The following PRB3 variants were observed in gnomAD, a reference collection of about 807,000 sequenced individuals.
PRB3 encodes the protein proline rich protein BstNI subfamily 3, also known as basic salivary proline-rich protein 3.
In PRB3, 9 loss-of-function variants were observed where a neutral mutation model predicts 10.0. The ratio of observed to expected loss-of-function variants is 0.90; its 90% confidence interval spans 0.54 to 1.57. The LOEUF (loss-of-function observed/expected upper bound fraction) is 1.57. Ranked by LOEUF, PRB3 falls within the 40% of genes most tolerant of loss-of-function variation. The pLI is 0.00. For missense variants in PRB3, 285 were observed against 385.5 expected (o/e 0.74, Z 2.18); for synonymous variants, 89 against 138.6 (o/e 0.64, Z 2.52).
At position 11,269,697 on chromosome 12, in the gene PRB3, A is replaced by T. The variant is rs1366205119; in HGVS notation, c.-28T>A. The T allele has an allele frequency of 6.2e-7, 1 of 1,613,500 alleles. No individual in the cohort carries two copies. The highest frequency in any genetic ancestry group is 1.7e-5 in the Admixed American group (1 of 60,014). On this transcript the variant is annotated 5_prime_UTR_variant, in exon 1 of 4. Coordinates refer to ENST00000538488, the MANE Select transcript of PRB3 (RefSeq NM_001394862.1). ...TGCTGGAGGCTCTGGAGTCACTCCCAACTCTGTGCTGGGAGAACCATGGCA... is the reference window on the plus strand; with the variant it reads ...TGCTGGAGGCTCTGGAGTCACTCCCTACTCTGTGCTGGGAGAACCATGGCA...
intron 3 of PRB3, among the ~76,000 whole-genome samples, chr12:11,266,639 G>T (rs2136563615): frequency 6.6e-6 from 1 of 152,302 alleles, no homozygotes; most frequent in African/African-American, 2.4e-5. Context: ...GCTTTTTGAA[G>T]GAAGGAAGGT....
rs375889167 is a variant in PRB3, at chr12:11,267,369, G to C, written c.880C>G (p.Gln294Glu). 2.9e-5 allele frequency: 47 copies of C among 1,610,856 alleles called. No individual in the cohort carries two copies. The highest frequency in any genetic ancestry group is 3.8e-5 in the Non-Finnish European group (45 of 1,179,248). ...GGACGTTGAGGTTTGTTACCTTCTT[G>C]TGGGGGTGGTCCTTGTGGCTTTCCT... ...HPGKPQGPPP[Q>E]EGNKPQRPPP... is the part of the protein sequence containing the mutation. The change falls in exon 3 of 4, where the codon CAA becomes GAA. Residue 294 changes from glutamine to glutamate, a missense_variant. Coordinates refer to ENST00000538488, the MANE Select transcript of PRB3 (RefSeq NM_001394862.1).
Position 11,267,394 on chromosome 12 carries a change from T to A in PRB3, c.855A>T (p.Pro285=), listed in dbSNP as rs1448838682. ...GNKPQGPPPH[P]GKPQGPPPQE... ...GTGGGGGTGGTCCTTGTGGCTTTCC[T>A]GGATGAGGTGGGGGACCTTGAGGTT... Residue 285 remains proline, a synonymous_variant, in exon 3 of 4, where the codon CCA becomes CCT. Transcript: ENST00000538488. 3 of 1,531,354 alleles carry A rather than the reference T, an allele frequency of 2.0e-6. No homozygotes were observed. Among genetic ancestry groups the A allele is most frequent in the Non-Finnish European group, 2.6e-6 (3 of 1,139,802 alleles). 94.9% of individuals were successfully genotyped at this position (1,531,354 alleles called of 1,614,324 possible). A position where few individuals can be genotyped will look rare whatever the true frequency, so the allele number is the denominator to read the frequency against.
At chr12:11,266,310 A>G (rs1282612181) in intron 3 of PRB3, among the ~76,000 whole-genome samples, 1 of 152,218 alleles carries the variant, frequency 6.6e-6, no homozygotes, top group Non-Finnish European at 1.5e-5. Flanking sequence ...ATATTTACAC[A>G]TATGATAATC....
At chr12:11,269,573 G>T in intron 1 of PRB3, 33 bp downstream of exon 1, 9 of 1,611,872 alleles carry the variant, frequency 5.6e-6, no homozygotes, top group Non-Finnish European at 7.6e-6. Flanking sequence ...GCCCCAAGCA[G>T]AGTCACCACA....
At position 11,267,188 on chromosome 12, in the gene PRB3, C is replaced by A. The variant is rs772269788; in HGVS notation, c.*5G>T. 6.2e-7 allele frequency: 1 copy of A among 1,607,978 alleles called. No individual in the cohort carries two copies. Among genetic ancestry groups the A allele is most frequent in the Non-Finnish European group, 8.5e-7 (1 of 1,174,538 alleles). On this transcript the variant is annotated 3_prime_UTR_variant, in exon 3 of 4. Transcript: ENST00000538488. ...ACTGGAATCATACCTGTCATTGAACCTTGATTACTGGGGAGGCTGTCCCTG... is the reference window on the plus strand; with the variant it reads ...ACTGGAATCATACCTGTCATTGAACATTGATTACTGGGGAGGCTGTCCCTG...
rs1565762659 is a variant in PRB3 at position 11,267,493 on chromosome 12, T to C, written c.756A>G (p.Gln252=). 1 of 1,153,444 alleles carries C rather than the reference T, an allele frequency of 8.7e-7. No homozygotes were observed. Among genetic ancestry groups the C allele is most frequent in the East Asian group, 5.7e-5 (1 of 17,682 alleles). The allele number at this position is 1,153,444 out of a possible 1,614,324, so 71.5% of individuals were successfully genotyped here. ...RPGKPEGPPP[Q]GGNQSQGPPP... ...GGGGACCTTGGGACTGGTTTCCTCC[T>C]TGTGGGGGTGGTCCTTCTGGCTTTC... Residue 252 remains glutamine (Q), a synonymous_variant, in exon 3 of 4, where the codon CAA becomes CAG. Coordinates refer to ENST00000538488, the MANE Select transcript of PRB3 (RefSeq NM_001394862.1).
At position 11,268,022 on chromosome 12, in the gene PRB3, C is replaced by T. The variant is rs745804122; in HGVS notation, c.227G>A (p.Gly76Glu). 1.9e-6 allele frequency: 3 copies of T among 1,597,428 alleles called. No individual in the cohort carries two copies. Among genetic ancestry groups the T allele is most frequent in the South Asian group, 2.2e-5 (2 of 90,392 alleles). ...TTGTGGGGGTGGTCCTTCTGGCTTT[C>T]CTGGACGAGGTGGGGGACCTTGGGA... The part of the protein sequence containing the change: ...NQSQGPPPRP[G>E]KPEGPPPQGG... Residue 76 changes from glycine (G) to glutamate (E), a missense_variant, in exon 3 of 4, where the codon GGA becomes GAA. By Grantham distance (98) the Gly-to-Glu change is moderately conservative. Transcript: ENST00000538488.
rs1239851088 is a variant in PRB3 at position 11,268,182 on chromosome 12, A to T, written c.101-34T>A. On this transcript the variant is annotated intron_variant, in intron 2 of 3. Coordinates refer to ENST00000538488, the MANE Select transcript of PRB3 (RefSeq NM_001394862.1). ...GGTGGACACACGGCATTCACTGAAT[A>T]GTTGCCGCAAATTTTTACAGTAACG... 1.9e-6 allele frequency: 3 copies of T among 1,613,688 alleles called. No homozygotes were observed. The Admixed American group carries it at 5.0e-5, about 27-fold the overall frequency.
chr12:11,267,175 C>A lies in PRB3; in HGVS notation c.*17+1G>T. 1 of 1,595,136 alleles carries A rather than the reference C, an allele frequency of 6.3e-7. No individual in the cohort carries two copies. Among genetic ancestry groups the A allele is most frequent in the Non-Finnish European group, 8.6e-7 (1 of 1,162,836 alleles). On this transcript the variant is annotated splice_donor_variant, in intron 3 of 3. Transcript: ENST00000538488. LOFTEE classifies it low-confidence loss of function (3UTR_SPLICE). Reference sequence around the variant, plus strand: ...TGGTGAAGAATAAACTGGAATCATACCTGTCATTGAACCTTGATTACTGGG... The same window carrying A: ...TGGTGAAGAATAAACTGGAATCATAACTGTCATTGAACCTTGATTACTGGG...
intron 2 of PRB3, 60 bp downstream of exon 2, chr12:11,268,573 T>A: frequency 1.3e-6 from 2 of 1,532,626 alleles, no homozygotes; most frequent in South Asian, 1.1e-5. Context: ...ACTGGAGAAC[T>A]GATCCATTCA....
At chr12:11,268,328 A>C (rs1236711579) in intron 2 of PRB3, among the ~76,000 whole-genome samples, 180 bp from the exon 3 acceptor site, 2 of 152,142 alleles carry the variant, frequency 1.3e-5, no homozygotes, top group Non-Finnish European at 2.9e-5. Context: ...AGGGGCTCTC[A>C]GTCTAAGGAG....
At position 11,268,155 on chromosome 12, in the gene PRB3, G is replaced by A. The variant is rs1294438958; in HGVS notation, c.101-7C>T. 1 of 1,300,828 alleles carries A rather than the reference G, an allele frequency of 7.7e-7. No homozygotes were observed. The highest frequency in any genetic ancestry group is 1.0e-6 in the Non-Finnish European group (1 of 986,364). The allele number at this position is 1,300,828 out of a possible 1,614,324, so 80.6% of individuals were successfully genotyped here. A position where few individuals can be genotyped will look rare whatever the true frequency, so the allele number is the denominator to read the frequency against. On this transcript the variant is annotated splice_region_variant and splice_polypyrimidine_tract_variant and intron_variant, in intron 2 of 3. Coordinates refer to ENST00000538488, the MANE Select transcript of PRB3 (RefSeq NM_001394862.1). ...CGTCGTCCTTCTGGCTTTCCTGGAG[G>A]AGGTGGACACACGGCATTCACTGAA...
chr12:11,268,855 C>T, intron 1 of PRB3, 187 bp from the exon 2 acceptor site: 3 of 726,580 alleles, frequency 4.1e-6, no homozygotes, highest in Non-Finnish European at 7.2e-6. Flanking sequence ...TGTTACCACA[C>T]AGAGCAACAG....
intron 2 of PRB3, 71 bp downstream of exon 2, chr12:11,268,562 C>A (rs780793210): frequency 1.3e-4 from 191 of 1,505,526 alleles, no homozygotes; most frequent in Non-Finnish European, 1.7e-4. Context: ...GGTGAGAAGA[C>A]ACTGGAGAAC....
Position 11,267,466 on chromosome 12 carries a change from T to C in PRB3, c.783A>G (p.Pro261=), listed in dbSNP as rs528598166. Residue 261 remains proline (P), a synonymous_variant, in exon 3 of 4, where the codon CCA becomes CCG. Transcript: ENST00000538488. ...PQGGNQSQGP[P]PRPGKPEGPP... The stretch of plus-strand genomic sequence containing the variant: ...GTCCTTCTGGCTTTCCTGGACGAGG[T>C]GGGGGACCTTGGGACTGGTTTCCTC... 104 of 1,189,300 alleles carry C rather than the reference T, an allele frequency of 8.7e-5. 6 individuals carry two copies. In the East Asian group the frequency reaches 1.9e-3, roughly 22 times the overall value. The allele number at this position is 1,189,300 out of a possible 1,614,324, so 73.7% of individuals were successfully genotyped here.
chr12:11,266,397 GT>G (rs1319024639), intron 3 of PRB3, among the ~76,000 whole-genome samples: 23 of 152,272 alleles, frequency 1.5e-4, no homozygotes, highest in Non-Finnish European at 3.1e-4. Context: ...AGAAATCATG[GT>G]GCAGCCACAC....
At chr12:11,266,523 A>G (rs1261735635) in intron 3 of PRB3, among the ~76,000 whole-genome samples, 1 of 152,196 alleles carries the variant, frequency 6.6e-6, no homozygotes, top group African/African-American at 2.4e-5. Flanking sequence ...ACTACCATAT[A>G]TACCTGCATA....
intron 1 of PRB3, 186 bp from the exon 2 acceptor site, chr12:11,268,854 A>C: frequency 1.4e-6 from 1 of 726,718 alleles, no homozygotes; most frequent in Non-Finnish European, 2.4e-6. Context: ...TTGTTACCAC[A>C]CAGAGCAACA....
Sources: allele counts gnomAD v4.1 joint callset (sites outside exome capture counted in the v4.1 genomes callset), GRCh38; gene constraint gnomAD v4.1.1; transcripts MANE v1.5; gene names NCBI Gene and HGNC (gene_info 2026-07-23, HGNC 2026-07-21).